Variants in RALGAPA1 observed in about 807,000 individuals in gnomAD.
RALGAPA1 encodes ral GTPase-activating protein subunit alpha-1.
Under a neutral mutation model 269.6 loss-of-function variants are expected in RALGAPA1, and 52 were observed. That is an observed-to-expected ratio of 0.19 (90% confidence interval 0.15 to 0.24). The LOEUF is 0.24. RALGAPA1 is among the 10% of genes least tolerant of loss of function. The pLI is 1.00. For synonymous variants in RALGAPA1, 817 were observed against 1,008.3 expected, an observed-to-expected ratio of 0.81 and a Z score of 3.60; for missense variants, 1,917 against 3,013.9, an observed-to-expected ratio of 0.64 and a Z score of 8.52.
At chr14:35,745,287 G>A (rs1280801422) in intron 10 of RALGAPA1, among the ~76,000 whole-genome samples, 1 of 152,124 alleles carries the variant, frequency 6.6e-6, no homozygotes, top group African/African-American at 2.4e-5. Context: ...GAACAAAGCA[G>A]GAGGTACCCA....
chr14:35,610,260 A>G (rs1460960498), intron 35 of RALGAPA1, among the ~76,000 whole-genome samples: 1 of 151,884 alleles, frequency 6.6e-6, no homozygotes, highest in African/African-American at 2.4e-5. Flanking sequence ...AAAATGATCA[A>G]ATTCCTAGAA....
chr14:35,680,253 G>A (rs1361902609), intron 21 of RALGAPA1, among the ~76,000 whole-genome samples: 1 of 152,080 alleles, frequency 6.6e-6, no homozygotes, highest in Admixed American at 6.6e-5. Context: ...TGTTGCTCAG[G>A]GTGGAATGCA....
chr14:35,589,589 G>A (rs530444839), intron 37 of RALGAPA1, among the ~76,000 whole-genome samples: 46 of 152,152 alleles, frequency 3.0e-4, no homozygotes, highest in African/African-American at 1.1e-3. Context: ...ACTTAAAACA[G>A]TCACTATTGT....
chr14:35,624,055 C>G (rs2060825484), intron 35 of RALGAPA1, among the ~76,000 whole-genome samples: 1 of 150,460 alleles, frequency 6.6e-6, no homozygotes, highest in Admixed American at 6.6e-5. Flanking sequence ...CCACTGCACT[C>G]CAGCCTGAGC....
Position 35,661,158 on chromosome 14 carries a change from T to C in RALGAPA1, c.5329-1962A>G, listed in dbSNP as rs572271664. 3.9e-5 allele frequency among the ~76,000 whole-genome samples: 6 copies of C among 152,250 alleles called. No homozygotes were observed. In the East Asian group the frequency reaches 9.6e-4, roughly 24 times the overall value. On this transcript the variant is annotated intron_variant, in intron 27 of 41. Transcript: ENST00000680220. Reference sequence around the variant, plus strand: ...CCCTCTCACCAAAAAAAGATAGCCATGTGAGGTGATGGATATGTTATTTGG... The same window carrying C: ...CCCTCTCACCAAAAAAAGATAGCCACGTGAGGTGATGGATATGTTATTTGG...
In RALGAPA1 at chr14:35,598,820, A is replaced by C. The variant is rs139128363; in HGVS notation, c.7054-3031T>G. Among the ~76,000 whole-genome samples the C allele has an allele frequency of 7.7e-4, 118 of 152,308 alleles. 2 individuals are homozygous for C. The East Asian group carries it at 0.014, about 18-fold the overall frequency. On this transcript the variant is annotated intron_variant, in intron 36 of 41. Coordinates refer to ENST00000680220, the MANE Select transcript of RALGAPA1 (RefSeq NM_001346249.2). ...TCTCTGTCTTTTAATTGGTACATTT[A>C]GATCATTTATATTTCATGTAATTAT...
intron 17 of RALGAPA1, among the ~76,000 whole-genome samples, chr14:35,691,422 G>T (rs2066472995): frequency 6.6e-6 from 1 of 152,020 alleles, no homozygotes; most frequent in Non-Finnish European, 1.5e-5. Context: ...AATGAAGAAA[G>T]GACAGAGTCA....
At position 35,659,185 on chromosome 14, in the gene RALGAPA1, G is replaced by A. The variant is rs376723964; in HGVS notation, c.5340C>T (p.Ile1780=). The change falls in exon 28 of 42, where the codon ATC becomes ATT. Residue 1780 remains isoleucine, a synonymous_variant. Coordinates refer to ENST00000680220, the MANE Select transcript of RALGAPA1 (RefSeq NM_001346249.2). ...CTCTTGCCGAGCTTAATACAGTTTT[G>A]ATTATAAGTTCCTAAAATAAGGGGG... The part of the protein sequence containing the change: ...SQFTDVKELI[I]KTVLSSARDE... The A allele has an allele frequency of 7.0e-5, 113 of 1,609,512 alleles. No individual in the cohort carries two copies. Among genetic ancestry groups the A allele is most frequent in the Admixed American group, 1.2e-4 (7 of 59,242 alleles).
At chr14:35,611,412 G>C (rs1277170321) in intron 35 of RALGAPA1, among the ~76,000 whole-genome samples, 2 of 151,768 alleles carry the variant, frequency 1.3e-5, no homozygotes, top group African/African-American at 4.8e-5. Context: ...TGAGGCAGGA[G>C]AATCACTTGA....
At chr14:35,678,234 G>T in intron 21 of RALGAPA1, 132 bp from the exon 22 acceptor site, 1 of 756,202 alleles carries the variant, frequency 1.3e-6, no homozygotes, top group Non-Finnish European at 2.0e-6. Flanking sequence ...GGCCAGGGAG[G>T]TCAAGAAAAT....
intron 15 of RALGAPA1, among the ~76,000 whole-genome samples, chr14:35,722,222 T>C (rs1448721818): frequency 6.6e-6 from 1 of 152,240 alleles, no homozygotes; most frequent in Non-Finnish European, 1.5e-5. Context: ...TTGGGAAATA[T>C]AGTCCAGGAA....
At chr14:35,664,870 T>G (rs2063808641) in intron 26 of RALGAPA1, 103 bp from the exon 27 acceptor site, 2 of 1,001,094 alleles carry the variant, frequency 2.0e-6, no homozygotes, top group African/African-American at 3.3e-5. Flanking sequence ...AAGTGATACA[T>G]AAAACAAAAT....
intron 12 of RALGAPA1, among the ~76,000 whole-genome samples, chr14:35,737,933 C>G (rs1197874663): frequency 1.3e-5 from 2 of 149,398 alleles, no homozygotes; most frequent in Non-Finnish European, 3.0e-5. Flanking sequence ...ACTAAAAATA[C>G]AAAAATTAGC....
rs1340883188 is a variant in RALGAPA1, at chr14:35,740,268, T to C, written c.1450-1618A>G. ...AAGTTATGTGAAGGTAGAAATAATGTCTGCTCATGTTTCTACCTCCAACAC... is the reference window on the plus strand; with the variant it reads ...AAGTTATGTGAAGGTAGAAATAATGCCTGCTCATGTTTCTACCTCCAACAC... On this transcript the variant is annotated intron_variant, in intron 11 of 41. Coordinates refer to ENST00000680220, the MANE Select transcript of RALGAPA1 (RefSeq NM_001346249.2). Among the ~76,000 whole-genome samples, 5 of 152,218 alleles carry C rather than the reference T, an allele frequency of 3.3e-5. No homozygotes were observed. The East Asian group carries it at 9.6e-4, about 29-fold the overall frequency.
chr14:35,611,374 C>T lies in RALGAPA1; in HGVS notation c.6930-5665G>A, dbSNP rs181973976. Among the ~76,000 whole-genome samples, 8 of 151,760 alleles carry T rather than the reference C, an allele frequency of 5.3e-5. No homozygotes were observed. In the East Asian group the frequency reaches 5.8e-4, roughly 11 times the overall value. On this transcript the variant is annotated intron_variant, in intron 35 of 41. Coordinates refer to ENST00000680220, the MANE Select transcript of RALGAPA1 (RefSeq NM_001346249.2). ...AAAATCAGCTGGGTGTGGTTGCGTG[C>T]GCTTGTAGTCCCAGCTACTCGGGAG...
rs542760192 is a variant in RALGAPA1 at position 35,728,452 on chromosome 14, T to G, written c.1646A>C (p.Asn549Thr). The G allele has an allele frequency of 1.7e-5, 28 of 1,609,926 alleles. 1 individual carries two copies. In the South Asian group the frequency reaches 3.0e-4, roughly 17 times the overall value. ...FLLEPANEIK[N>T]LLDEHTDMCK... ...CATATCTGTGTGTTCATCCAGAAGA[T>G]TTTTTATTTCATTTGCAGGTTCAAG... is the stretch of plus-strand genomic sequence containing the variant. The change falls in exon 13 of 42, where the codon AAT becomes ACT. Residue 549 changes from asparagine to threonine, a missense_variant. Physicochemically the swap from Asn to Thr is moderately conservative, Grantham distance 65. Transcript: ENST00000680220.
chr14:35,570,816 C>A, intron 38 of RALGAPA1, 72 bp from the exon 39 acceptor site: 1 of 1,381,892 alleles, frequency 7.2e-7, no homozygotes, highest in Non-Finnish European at 9.8e-7. Flanking sequence ...AATCAAGACA[C>A]TTTGCATCCA....
chr14:35,548,985 A>G, intron 40 of RALGAPA1, 125 bp downstream of exon 40: 1 of 1,146,618 alleles, frequency 8.7e-7, no homozygotes, highest in Non-Finnish European at 1.2e-6. Flanking sequence ...AAATTCAAAT[A>G]TTAAATAGTG....
chr14:35,591,081 T>A (rs554818491), intron 37 of RALGAPA1, among the ~76,000 whole-genome samples: 1 of 152,330 alleles, frequency 6.6e-6, no homozygotes, highest in South Asian at 2.1e-4. Flanking sequence ...CTCTGAGGTA[T>A]CTCTGTAGCT....
Sources: allele counts gnomAD v4.1 joint callset (sites outside exome capture counted in the v4.1 genomes callset), GRCh38; gene constraint gnomAD v4.1.1; transcripts MANE v1.5; gene names NCBI Gene and HGNC (gene_info 2026-07-23, HGNC 2026-07-21).